Variants in IQCJ observed in about 807,000 individuals in gnomAD.
IQCJ encodes the protein IQ domain-containing protein J.
IQCJ carries 9 observed loss-of-function variants against 11.0 expected under a neutral mutation model. That is an observed-to-expected ratio of 0.82 (90% CI 0.49 to 1.43). The LOEUF (loss-of-function observed/expected upper bound fraction) is 1.43, where lower values mean the gene tolerates loss of function less well. Among genes scored for constraint, IQCJ ranks in the 40% most tolerant of loss-of-function variants. The probability of loss-of-function intolerance (pLI) is 0.00; values close to 1 mark genes in which losing one functional copy is unlikely to be tolerated. For synonymous variants in IQCJ, 55 were observed against 51.3 expected (o/e 1.07, Z -0.31); for missense variants, 146 against 133.2 (o/e 1.10, Z -0.47).
intron 1 of IQCJ, among the ~76,000 whole-genome samples, chr3:159,238,182 T>C (rs1314677481): frequency 1.3e-5 from 2 of 152,154 alleles, no homozygotes; most frequent in Admixed American, 1.3e-4. Flanking sequence ...ACTATGGCCA[T>C]TAGTTATGTC....
At chr3:159,085,186 C>T (rs1442450505) in intron 1 of IQCJ, among the ~76,000 whole-genome samples, 24 of 151,544 alleles carry the variant, frequency 1.6e-4, no homozygotes, top group African/African-American at 4.1e-4. Flanking sequence ...TTTGTTCTTG[C>T]GATAGTTTAC....
downstream of IQCJ, chr3:159,263,779 A>C: frequency 1.0e-6 from 1 of 985,366 alleles, no homozygotes; most frequent in South Asian, 4.7e-5. Context: ...TTAAAGAGAG[A>C]GAATAAGTTG....
chr3:159,104,384 T>C (rs1718118004), intron 1 of IQCJ, among the ~76,000 whole-genome samples: 1 of 152,232 alleles, frequency 6.6e-6, no homozygotes, highest in East Asian at 1.9e-4. Flanking sequence ...TAGAATGTGT[T>C]CAGTATGAGT....
intron 1 of IQCJ, among the ~76,000 whole-genome samples, chr3:159,201,715 A>T (rs1724356964): frequency 7.1e-6 from 1 of 141,486 alleles, no homozygotes; most frequent in Admixed American, 7.9e-5. Context: ...GCTCACTGCA[A>T]GCTCCGCCTC....
intron 1 of IQCJ, among the ~76,000 whole-genome samples, chr3:159,200,859 G>A (rs560402266): frequency 5.3e-5 from 8 of 152,144 alleles, no homozygotes; most frequent in East Asian, 1.9e-4. Context: ...AGTGTTGGTC[G>A]CAGGCTGAGG....
At chr3:159,114,908 G>T (rs1370379875) in intron 1 of IQCJ, among the ~76,000 whole-genome samples, 1 of 149,738 alleles carries the variant, frequency 6.7e-6, no homozygotes, top group African/African-American at 2.5e-5. Flanking sequence ...TAGTAGTCAG[G>T]TTTCCTGCCC....
chr3:159,259,879 A>G, intron 3 of IQCJ, among the ~76,000 whole-genome samples: 1 of 152,318 alleles, frequency 6.6e-6, no homozygotes, highest in South Asian at 2.1e-4. Context: ...AGAAATATAT[A>G]TATCATAGTA....
At chr3:159,179,756 T>C (rs577792102) in intron 1 of IQCJ, among the ~76,000 whole-genome samples, 22 of 152,336 alleles carry the variant, frequency 1.4e-4, no homozygotes, top group Admixed American at 3.9e-4. Context: ...TTATTTTCTT[T>C]ACTCCACAAC....
intron 1 of IQCJ, among the ~76,000 whole-genome samples, chr3:159,162,394 T>C (rs987423025): frequency 2.0e-5 from 3 of 152,212 alleles, no homozygotes; most frequent in African/African-American, 7.2e-5. Context: ...ATCCTGAGAC[T>C]TTGCTGAAGT....
intron 1 of IQCJ, among the ~76,000 whole-genome samples, chr3:159,086,656 G>A (rs11709887): frequency 0.11 from 16,841 of 151,510 alleles, 1,186 homozygotes; most frequent in South Asian, 0.18. Flanking sequence ...TGGATTCCTA[G>A]GTATTTTATT....
At chr3:159,177,400 G>A (rs1266445822) in intron 1 of IQCJ, among the ~76,000 whole-genome samples, 2 of 152,208 alleles carry the variant, frequency 1.3e-5, no homozygotes. Flanking sequence ...AAGCAACTGA[G>A]ACTCTTTGCT....
intron 1 of IQCJ, among the ~76,000 whole-genome samples, chr3:159,146,036 C>T (rs1203234679): frequency 1.3e-5 from 2 of 152,088 alleles, no homozygotes; most frequent in Non-Finnish European, 2.9e-5. Context: ...TTGATAGGTA[C>T]ATTGAAGTAG....
intron 1 of IQCJ, chr3:159,069,872 TGTGTGTGTGTGTGTGC>T (rs1346129190): frequency 9.4e-5 from 35 of 370,744 alleles, no homozygotes; most frequent in African/African-American, 7.5e-4. Flanking sequence ...TGTGTGTGTG[TGTGTGTGTGTGTGTGC>T]GTGTGTATGG....
At chr3:159,088,138 C>A (rs954483956) in intron 1 of IQCJ, among the ~76,000 whole-genome samples, 2 of 152,130 alleles carry the variant, frequency 1.3e-5, no homozygotes, top group Non-Finnish European at 2.9e-5. Context: ...TCGTTGGTTT[C>A]AAAGAACATC....
At chr3:159,177,195 G>A (rs1180682952) in intron 1 of IQCJ, among the ~76,000 whole-genome samples, 1 of 152,142 alleles carries the variant, frequency 6.6e-6, no homozygotes, top group Admixed American at 6.6e-5. Flanking sequence ...CCATATCAAT[G>A]GGGATCTTTT....
chr3:159,217,707 C>T (rs1329947139), intron 1 of IQCJ, among the ~76,000 whole-genome samples: 1 of 152,110 alleles, frequency 6.6e-6, no homozygotes, highest in Non-Finnish European at 1.5e-5. Flanking sequence ...TATGTCTACT[C>T]CACATTAAAA....
intron 1 of IQCJ, among the ~76,000 whole-genome samples, chr3:159,203,863 T>A (rs576680271): frequency 1.4e-4 from 21 of 152,304 alleles, no homozygotes; most frequent in African/African-American, 4.6e-4. Flanking sequence ...CTTGTGTGTA[T>A]GTCAAGAGCA....
chr3:159,265,112 G>T (rs542029941), downstream of IQCJ: 40 of 910,604 alleles, frequency 4.4e-5, no homozygotes, highest in Admixed American at 3.2e-4. Flanking sequence ...TCTCTGGTTT[G>T]TCACTTAGGT....
chr3:159,155,400 C>T (rs971375600), intron 1 of IQCJ, among the ~76,000 whole-genome samples: 3 of 152,176 alleles, frequency 2.0e-5, no homozygotes, highest in Admixed American at 1.3e-4. Context: ...TCAAGTAATC[C>T]ACTTGCCTCA....
Sources: gnomAD v4.1 joint callset for allele counts (sites outside exome capture counted in the v4.1 genomes callset) on GRCh38, gnomAD v4.1.1 for gene constraint, MANE v1.5 for transcripts, NCBI Gene and HGNC (gene_info 2026-07-23, HGNC 2026-07-21) for gene names.